Variants in RB1 observed in about 807,000 individuals in gnomAD.
The protein encoded by RB1 is retinoblastoma-associated protein.
A neutral mutation model predicts 135.4 loss-of-function variants in RB1; 18 were observed. That is an observed-to-expected ratio of 0.13 (90% CI 0.09 to 0.20). RB1 has a LOEUF of 0.20. Among genes scored for constraint, RB1 ranks in the 10% least tolerant of loss-of-function variants. RB1 has a pLI of 1.00. For missense variants in RB1, 868 were observed against 1,110.0 expected (o/e 0.78, Z 3.10); for synonymous variants, 365 against 373.2 (o/e 0.98, Z 0.25).
chr13:48,311,798 C>T (rs1008939450), intron 2 of RB1, among the ~76,000 whole-genome samples: 2 of 152,152 alleles, frequency 1.3e-5, no homozygotes, highest in Admixed American at 6.5e-5. Context: ...CTCTGCCTCC[C>T]GGGTCCAAGC....
intron 2 of RB1, chr13:48,317,677 G>T: frequency 1.9e-6 from 1 of 537,152 alleles, no homozygotes; most frequent in South Asian, 2.4e-5. Context: ...GGTGCTCCTG[G>T]GCGGTGCCGG....
chr13:48,400,077 G>C (rs1227899343), intron 17 of RB1, among the ~76,000 whole-genome samples: 3 of 152,060 alleles, frequency 2.0e-5, no homozygotes, highest in Non-Finnish European at 2.9e-5. Flanking sequence ...ATGTCCTGTA[G>C]GTAGCTCATA....
intron 17 of RB1, among the ~76,000 whole-genome samples, chr13:48,446,718 C>A (rs757546939): frequency 3.4e-4 from 52 of 151,858 alleles, no homozygotes; most frequent in Non-Finnish European, 8.8e-5. Context: ...GTACAAAAAC[C>A]CAGAGAAAGG....
At chr13:48,392,063 T>C (rs889298424) in intron 17 of RB1, among the ~76,000 whole-genome samples, 1 of 152,150 alleles carries the variant, frequency 6.6e-6, no homozygotes, top group East Asian at 1.9e-4. Context: ...TGTTTTTTCT[T>C]TGAGTGCTTT....
chr13:48,477,336 G>A lies in RB1; in HGVS notation c.2664-19G>A, dbSNP rs2138360629. 6.3e-7 allele frequency: 1 copy of A among 1,589,854 alleles called. No homozygotes were observed. On this transcript the variant is annotated intron_variant, in intron 25 of 26. Coordinates refer to ENST00000267163, the MANE Select transcript of RB1 (RefSeq NM_000321.3). ...TTTATAAATACACATGAAATGTTTT[G>A]CATTTTTTTAATCTGCAGTAAACAT...
chr13:48,332,343 A>G (rs1952345094), intron 2 of RB1, among the ~76,000 whole-genome samples: 1 of 152,178 alleles, frequency 6.6e-6, no homozygotes, highest in Non-Finnish European at 1.5e-5. Context: ...CCAAGATAGG[A>G]GGATTGCTTT....
intron 17 of RB1, among the ~76,000 whole-genome samples, chr13:48,398,912 A>C (rs1414018688): frequency 6.6e-6 from 1 of 152,132 alleles, no homozygotes; most frequent in Non-Finnish European, 1.5e-5. Flanking sequence ...GGGAAAAGTA[A>C]CATTTGTTGA....
Position 48,328,432 on chromosome 13 carries a change from G to T in RB1, c.265-14167G>T, listed in dbSNP as rs993514235. On this transcript the variant is annotated intron_variant, in intron 2 of 26. Transcript: ENST00000267163. The stretch of plus-strand genomic sequence containing the variant: ...TTGGAGATCTTTGCAGGCTTTGTTG[G>T]AGGTCTGCAGCTTCTTCTTCAGCTG... The T allele has an allele frequency of 5.9e-6, 7 of 1,182,956 alleles. No homozygotes were observed. In the African/African-American group the frequency reaches 9.0e-5, roughly 15 times the overall value. 73.3% of individuals were successfully genotyped at this position (1,182,956 alleles called of 1,614,324 possible). A position where few individuals can be genotyped will look rare whatever the true frequency, so the allele number is the denominator to read the frequency against.
intron 17 of RB1, among the ~76,000 whole-genome samples, chr13:48,394,529 A>G (rs1948633362): frequency 1.3e-5 from 2 of 152,194 alleles, no homozygotes; most frequent in African/African-American, 4.8e-5. Flanking sequence ...CCATCACAGC[A>G]GTCTGAGGTC....
chr13:48,404,969 A>C (rs969989242), intron 17 of RB1, among the ~76,000 whole-genome samples: 9 of 152,224 alleles, frequency 5.9e-5, no homozygotes, highest in African/African-American at 9.6e-5. Context: ...AATTTGTCAA[A>C]TATGACAGCA....
intron 12 of RB1, among the ~76,000 whole-genome samples, chr13:48,374,670 G>A (rs1036894767): frequency 2.6e-5 from 4 of 152,014 alleles, no homozygotes; most frequent in African/African-American, 9.7e-5. Context: ...TTTTAGCAAG[G>A]GCTAATGAAA....
chr13:48,356,129 G>A (rs897380551), intron 6 of RB1, among the ~76,000 whole-genome samples: 3 of 151,946 alleles, frequency 2.0e-5, no homozygotes, highest in Admixed American at 6.6e-5. Context: ...TGCATAATGT[G>A]CTTATTTCAC....
intron 17 of RB1, among the ~76,000 whole-genome samples, chr13:48,400,389 G>A (rs1344132183): frequency 1.3e-5 from 2 of 152,194 alleles, no homozygotes; most frequent in East Asian, 3.9e-4. Context: ...TTTTAACTCA[G>A]GCTATCTGGT....
In RB1 at chr13:48,379,096, C is replaced by T. The variant is rs540222879; in HGVS notation, c.1333-498C>T. On this transcript the variant is annotated intron_variant, in intron 13 of 26. Coordinates refer to ENST00000267163, the MANE Select transcript of RB1 (RefSeq NM_000321.3). The stretch of plus-strand genomic sequence containing the variant: ...CAAAGACTGTCCTCTTAATCCTGGA[C>T]AGCTATCTTGAAAATACATGTCCTA... Among the ~76,000 whole-genome samples, 143 of 152,246 alleles carry T rather than the reference C, an allele frequency of 9.4e-4. 1 individual carries two copies. Among genetic ancestry groups the T allele is most frequent in the African/African-American group, 3.3e-3 (136 of 41,558 alleles).
intron 20 of RB1, among the ~76,000 whole-genome samples, chr13:48,462,054 A>G (rs1017536855): frequency 1.5e-4 from 23 of 152,042 alleles, no homozygotes; most frequent in African/African-American, 5.6e-4. Flanking sequence ...GCTGGTCTCG[A>G]ACTCCTGACC....
chr13:48,464,454 C>A (rs1046199643), intron 21 of RB1, among the ~76,000 whole-genome samples: 1 of 152,066 alleles, frequency 6.6e-6, no homozygotes, highest in Non-Finnish European at 1.5e-5. Context: ...TCTGATATAA[C>A]CTCTGTGTTT....
chr13:48,342,834 C>A, intron 3 of RB1, 120 bp downstream of exon 3: 1 of 707,338 alleles, frequency 1.4e-6, no homozygotes. Context: ...ACAAAAAGAA[C>A]TTGGACCAAA....
At chr13:48,369,524 C>G (rs192468390) in intron 11 of RB1, among the ~76,000 whole-genome samples, 4 of 152,294 alleles carry the variant, frequency 2.6e-5, no homozygotes, top group Admixed American at 2.6e-4. Flanking sequence ...CTTCCCATTG[C>G]AATTGGTATA....
intron 17 of RB1, among the ~76,000 whole-genome samples, chr13:48,409,613 G>T (rs915101156): frequency 8.9e-6 from 1 of 112,136 alleles, no homozygotes; most frequent in Non-Finnish European, 1.6e-5. Context: ...ATGGAGTCTC[G>T]CTCTGTCGCC....
Sources: gnomAD v4.1 joint callset for allele counts (sites outside exome capture counted in the v4.1 genomes callset) on GRCh38, gnomAD v4.1.1 for gene constraint, MANE v1.5 for transcripts, NCBI Gene and HGNC (gene_info 2026-07-23, HGNC 2026-07-21) for gene names.